The following NPSR1 variants were observed in gnomAD, a reference collection of about 807,000 sequenced individuals.
NPSR1 encodes the protein neuropeptide S receptor.
A neutral mutation model predicts 46.9 loss-of-function variants in NPSR1; 48 were observed. That is an observed-to-expected ratio of 1.02 (90% CI 0.81 to 1.30). NPSR1 has a LOEUF of 1.30. NPSR1 is among the 50% of genes most tolerant of loss of function. The probability of loss-of-function intolerance (pLI) is 0.00; values close to 1 mark genes in which losing one functional copy is unlikely to be tolerated. For missense variants in NPSR1, 450 were observed against 449.5 expected, an observed-to-expected ratio of 1.00 and a Z score of -0.01; for synonymous variants, 176 against 168.1, an observed-to-expected ratio of 1.05 and a Z score of -0.36.
intron 6 of NPSR1, among the ~76,000 whole-genome samples, chr7:34,839,328 G>A (rs2128761878): frequency 6.6e-6 from 1 of 152,268 alleles, no homozygotes; most frequent in Admixed American, 6.5e-5. Flanking sequence ...AGCTTCACAA[G>A]CCTATTTTAA....
chr7:34,853,965 T>TG (rs1195052983), downstream of NPSR1, among the ~76,000 whole-genome samples: 13 of 123,098 alleles, frequency 1.1e-4, no homozygotes, highest in Non-Finnish European at 2.0e-4. Flanking sequence ...AAACTCTGCC[T>TG]GGAAAAAAAA....
chr7:34,783,849 T>C (rs891813450), intron 3 of NPSR1, among the ~76,000 whole-genome samples: 6 of 151,972 alleles, frequency 3.9e-5, no homozygotes, highest in Non-Finnish European at 7.4e-5. Context: ...CAGGAGAGAC[T>C]AGAAGAACAT....
Position 34,767,950 on chromosome 7 carries a change from T to C in NPSR1, c.281-10512T>C, listed in dbSNP as rs79669325. On this transcript the variant is annotated intron_variant, in intron 2 of 8. Transcript: ENST00000360581. Reference sequence around the variant, plus strand: ...TAGAATAAGTTCTAGTGTTCCATATTACTGTAGAATTACTATAGTTAACAA... The same window carrying C: ...TAGAATAAGTTCTAGTGTTCCATATCACTGTAGAATTACTATAGTTAACAA... 9.7e-3 allele frequency among the ~76,000 whole-genome samples: 1,472 copies of C among 152,252 alleles called. 21 individuals carry two copies. The highest frequency in any genetic ancestry group is 0.034 in the African/African-American group (1,403 of 41,558).
At chr7:34,777,235 G>A (rs182708748) in intron 2 of NPSR1, among the ~76,000 whole-genome samples, 107 of 152,232 alleles carry the variant, frequency 7.0e-4, no homozygotes, top group Non-Finnish European at 1.2e-3. Flanking sequence ...GGTAAGGCTT[G>A]TGGGAACTCA....
At chr7:34,746,277 A>G (rs1422776409) in intron 2 of NPSR1, among the ~76,000 whole-genome samples, 6 of 152,240 alleles carry the variant, frequency 3.9e-5, no homozygotes, top group African/African-American at 1.4e-4. Flanking sequence ...CCTTATCCAT[A>G]GTTTCACTTT....
At position 34,806,570 on chromosome 7, in the gene NPSR1, T is replaced by C. The variant is rs182231217; in HGVS notation, c.385-5200T>C. Among the ~76,000 whole-genome samples the C allele has an allele frequency of 9.2e-5, 14 of 152,228 alleles. No individual in the cohort carries two copies. In the East Asian group the frequency reaches 2.3e-3, roughly 25 times the overall value. The stretch of plus-strand genomic sequence containing the variant: ...TAGGACAGTGAAACTCTTCTGATAT[T>C]ATAATGGTGGGTACATAACATTATG... On this transcript the variant is annotated intron_variant, in intron 3 of 8. Coordinates refer to ENST00000360581, the MANE Select transcript of NPSR1 (RefSeq NM_207172.2).
At chr7:34,703,799 A>G (rs2128697581) in intron 2 of NPSR1, 1 of 150,686 alleles carries the variant, frequency 6.6e-6, no homozygotes, top group Non-Finnish European at 1.5e-5. Flanking sequence ...CTAAAGTGCC[A>G]ATTAAAATTA....
At position 34,856,648 on chromosome 7, in the gene NPSR1, G is replaced by A. The variant is rs1446138543; in HGVS notation, c.1025+7985G>A. ...GAAGAAAACAATGGTCCAGGACAGAGTCTGTTGGACTCACAGAGCAGACTT... is the reference window on the plus strand; with the variant it reads ...GAAGAAAACAATGGTCCAGGACAGAATCTGTTGGACTCACAGAGCAGACTT... On this transcript the variant is annotated intron_variant, in intron 8 of 8. Coordinates refer to the NPSR1 transcript ENST00000359791. Among the ~76,000 whole-genome samples, 4 of 151,662 alleles carry A rather than the reference G, an allele frequency of 2.6e-5. 1 individual carries two copies. In the East Asian group the frequency reaches 7.7e-4, roughly 29 times the overall value.
At position 34,827,446 on chromosome 7, in the gene NPSR1, T is replaced by G. The variant is rs764654607; in HGVS notation, c.524T>G (p.Phe175Cys). ...ATTGTGATCGCCTGGAGCCTGTCTTTTCTGTTCTCCATTCCCACCCTGATC... is the reference window on the plus strand; with the variant it reads ...ATTGTGATCGCCTGGAGCCTGTCTTGTCTGTTCTCCATTCCCACCCTGATC... ...VLIVIAWSLS[F>C]LFSIPTLIIF... is the part of the protein sequence containing the mutation. The change falls in exon 5 of 9, where the codon TTT becomes TGT. Residue 175 changes from phenylalanine to cysteine, a missense_variant. Coordinates refer to ENST00000360581, the MANE Select transcript of NPSR1 (RefSeq NM_207172.2). The G allele has an allele frequency of 3.7e-6, 6 of 1,613,954 alleles. No homozygotes were observed. The Admixed American group carries it at 1.0e-4, about 27-fold the overall frequency.
At chr7:34,779,124 A>G (rs1410371365) in intron 3 of NPSR1, among the ~76,000 whole-genome samples, 1 of 152,128 alleles carries the variant, frequency 6.6e-6, no homozygotes, top group Non-Finnish European at 1.5e-5. Flanking sequence ...GATTAAAGAT[A>G]TTGATGCTTC....
chr7:34,843,726 TCTGA>T (rs1790649100), intron 6 of NPSR1, among the ~76,000 whole-genome samples: 1 of 152,196 alleles, frequency 6.6e-6, no homozygotes, highest in African/African-American at 2.4e-5. Context: ...AAGGTAAACA[TCTGA>T]CTGGTTTCCA....
intron 2 of NPSR1, among the ~76,000 whole-genome samples, chr7:34,743,696 G>A (rs746242619): frequency 4.6e-5 from 7 of 152,042 alleles, no homozygotes; most frequent in African/African-American, 1.7e-4. Flanking sequence ...TTGAAGATTA[G>A]ATCATGTGTT....
chr7:34,662,848 A>C lies in NPSR1; in HGVS notation c.147+4289A>C, dbSNP rs545300519. 2.6e-5 allele frequency among the ~76,000 whole-genome samples: 4 copies of C among 152,288 alleles called. No individual in the cohort carries two copies. In the South Asian group the frequency reaches 8.3e-4, roughly 32 times the overall value. The stretch of plus-strand genomic sequence containing the variant: ...ACACAATTTCCAAACTATAGACGCT[A>C]GTATTTGAAAAGGAAATCTTCCTCA... On this transcript the variant is annotated intron_variant, in intron 1 of 8. Transcript: ENST00000360581.
intron 2 of NPSR1, among the ~76,000 whole-genome samples, chr7:34,742,055 T>C (rs1313862049): frequency 1.3e-5 from 2 of 152,224 alleles, no homozygotes; most frequent in Non-Finnish European, 2.9e-5. Flanking sequence ...CTTAGATAGT[T>C]TATTTTCACT....
intron 1 of NPSR1, among the ~76,000 whole-genome samples, chr7:34,679,995 G>T (rs1245764034): frequency 6.6e-6 from 1 of 151,880 alleles, no homozygotes; most frequent in African/African-American, 2.4e-5. Context: ...AAAAATAATT[G>T]CAGAAATGTT....
intron 2 of NPSR1, among the ~76,000 whole-genome samples, chr7:34,730,611 C>T (rs899867372): frequency 1.3e-5 from 2 of 152,196 alleles, no homozygotes; most frequent in South Asian, 4.1e-4. Flanking sequence ...TTTAAGCTAA[C>T]AGATCTCAGC....
intron 2 of NPSR1, among the ~76,000 whole-genome samples, chr7:34,715,741 C>T (rs117629579): frequency 0.02 from 3,046 of 152,274 alleles, 46 homozygotes; most frequent in Non-Finnish European, 0.033. Flanking sequence ...CCATAAGCCT[C>T]GCCTATTTTG....
chr7:34,799,167 G>A (rs1443441940), intron 3 of NPSR1, among the ~76,000 whole-genome samples: 4 of 152,088 alleles, frequency 2.6e-5, no homozygotes, highest in South Asian at 2.1e-4. Flanking sequence ...AGTATGTGAG[G>A]TAATGAATAT....
intron 2 of NPSR1, among the ~76,000 whole-genome samples, chr7:34,762,907 AT>A (rs1191128631): frequency 6.6e-6 from 1 of 152,200 alleles, no homozygotes; most frequent in Non-Finnish European, 1.5e-5. Flanking sequence ...CTTGCTACGT[AT>A]TCATTATTCT....
Sources: gnomAD v4.1 joint callset for allele counts (sites outside exome capture counted in the v4.1 genomes callset) on GRCh38, gnomAD v4.1.1 for gene constraint, MANE v1.5 for transcripts, NCBI Gene and HGNC (gene_info 2026-07-23, HGNC 2026-07-21) for gene names.